The following MAGI1 variants were observed in gnomAD, a reference collection of about 807,000 sequenced individuals.
MAGI1 encodes the protein membrane-associated guanylate kinase, WW and PDZ domain-containing protein 1.
In MAGI1, 58 loss-of-function variants were observed where a neutral mutation model predicts 139.9. The ratio of observed to expected loss-of-function variants is 0.41; its 90% CI spans 0.34 to 0.52. The LOEUF (loss-of-function observed/expected upper bound fraction) is 0.52. MAGI1 is among the 20% of genes least tolerant of loss of function. The pLI is 0.12. For synonymous variants in MAGI1, 812 were observed against 737.9 expected, an observed-to-expected ratio of 1.10 and a Z score of -1.63; for missense variants, 1,874 against 1,901.6, an observed-to-expected ratio of 0.99 and a Z score of 0.27.
chr3:65,427,809 T>A (rs909691888), intron 12 of MAGI1, among the ~76,000 whole-genome samples: 2 of 152,144 alleles, frequency 1.3e-5, no homozygotes, highest in Non-Finnish European at 2.9e-5. Context: ...TATCACTGAT[T>A]CTTCTATAAG....
intron 1 of MAGI1, among the ~76,000 whole-genome samples, chr3:65,683,009 C>G (rs2087704406): frequency 6.6e-6 from 1 of 152,068 alleles, no homozygotes; most frequent in East Asian, 1.9e-4. Context: ...TCCTAGATCC[C>G]CCACATGCAC....
chr3:65,794,082 C>T (rs142792748), intron 1 of MAGI1, among the ~76,000 whole-genome samples: 11 of 152,246 alleles, frequency 7.2e-5, no homozygotes, highest in Non-Finnish European at 1.5e-4. Context: ...CGACCTGGAC[C>T]ACACCCTAAG....
intron 1 of MAGI1, among the ~76,000 whole-genome samples, chr3:65,701,978 CCGA>C (rs1168684713): frequency 6.6e-6 from 1 of 152,086 alleles, no homozygotes; most frequent in Non-Finnish European, 1.5e-5. Flanking sequence ...CATATATTCC[CCGA>C]CGCTTGTTAT....
At chr3:65,929,631 C>A (rs2062698316) in intron 1 of MAGI1, among the ~76,000 whole-genome samples, 1 of 152,064 alleles carries the variant, frequency 6.6e-6, no homozygotes. Context: ...CCGCGCCCAG[C>A]CAAGGAAGAT....
At chr3:65,791,607 A>G (rs2039776832) in intron 1 of MAGI1, among the ~76,000 whole-genome samples, 1 of 152,178 alleles carries the variant, frequency 6.6e-6, no homozygotes, top group African/African-American at 2.4e-5. Context: ...AGGCAGGAAG[A>G]GGTGGAGGAT....
At chr3:65,920,345 A>C (rs932509978) in intron 1 of MAGI1, among the ~76,000 whole-genome samples, 2 of 152,184 alleles carry the variant, frequency 1.3e-5, no homozygotes, top group African/African-American at 4.8e-5. Flanking sequence ...CTCTAAAATT[A>C]TCTTCTTTTT....
rs145814764 is a variant in MAGI1 at position 65,382,996 on chromosome 3, C to T, written c.2508+536G>A. Among the ~76,000 whole-genome samples, 492 of 152,214 alleles carry T rather than the reference C, an allele frequency of 3.2e-3. 6 individuals carry two copies. Among genetic ancestry groups the T allele is most frequent in the Admixed American group, 0.022 (339 of 15,292 alleles). ...TTCAAAGGAACCCTGTTATGTTATTCTAAATTTATTCCAAAATGGAGGACA... is the reference window on the plus strand; with the variant it reads ...TTCAAAGGAACCCTGTTATGTTATTTTAAATTTATTCCAAAATGGAGGACA... On this transcript the variant is annotated intron_variant, in intron 15 of 22. Transcript: ENST00000402939.
intron 14 of MAGI1, among the ~76,000 whole-genome samples, chr3:65,387,608 T>C (rs1466264564): frequency 6.6e-6 from 1 of 152,234 alleles, no homozygotes; most frequent in Non-Finnish European, 1.5e-5. Flanking sequence ...ACTACAGCAT[T>C]TATTCAAAAG....
chr3:65,611,079 G>C lies in MAGI1; in HGVS notation c.430+10893C>G, dbSNP rs1299343508. On this transcript the variant is annotated intron_variant, in intron 2 of 22. Coordinates refer to ENST00000402939, the MANE Select transcript of MAGI1 (RefSeq NM_001033057.2). ...TACATACATATAGTGTATAGTATAT[G>C]TACTATATACATATATAATATATAG... Among the ~76,000 whole-genome samples, 5 of 133,140 alleles carry C rather than the reference G, an allele frequency of 3.8e-5. No homozygotes were observed. In the East Asian group the frequency reaches 1.1e-3, roughly 29 times the overall value. The allele number at this position is 133,140 out of a possible 152,430, so 87.3% of individuals were successfully genotyped here.
At chr3:65,784,383 G>A (rs1236402275) in intron 1 of MAGI1, among the ~76,000 whole-genome samples, 2 of 152,142 alleles carry the variant, frequency 1.3e-5, no homozygotes, top group Non-Finnish European at 2.9e-5. Context: ...GTCAAAAAGT[G>A]GAAACAACCC....
chr3:65,830,799 A>G (rs2042480549), intron 1 of MAGI1, among the ~76,000 whole-genome samples: 1 of 152,148 alleles, frequency 6.6e-6, no homozygotes, highest in Non-Finnish European at 1.5e-5. Context: ...TAAAGAAACA[A>G]TGGGACCTCC....
chr3:65,490,052 T>C (rs1951894412), intron 3 of MAGI1, among the ~76,000 whole-genome samples: 1 of 152,192 alleles, frequency 6.6e-6, no homozygotes. Flanking sequence ...GACATTTTAC[T>C]GGCAAATCTG....
intron 1 of MAGI1, among the ~76,000 whole-genome samples, chr3:65,759,235 T>C (rs2036819176): frequency 6.6e-6 from 1 of 152,174 alleles, no homozygotes; most frequent in African/African-American, 2.4e-5. Flanking sequence ...TAGGACAGTT[T>C]TTAAAATATT....
At chr3:65,759,291 T>C (rs1156468028) in intron 1 of MAGI1, among the ~76,000 whole-genome samples, 2 of 152,152 alleles carry the variant, frequency 1.3e-5, no homozygotes, top group African/African-American at 4.8e-5. Context: ...ATGCCATATA[T>C]TCATGGATGT....
chr3:65,872,534 A>C lies in MAGI1; in HGVS notation c.313+165462T>G, dbSNP rs374790452. ...GTGTGAGATTAAAACAGAAGAGGAT[A>C]CAAATCAGAACCTATTGGCAGTGTC... On this transcript the variant is annotated intron_variant, in intron 1 of 22. Coordinates refer to ENST00000402939, the MANE Select transcript of MAGI1 (RefSeq NM_001033057.2). Among the ~76,000 whole-genome samples, 5 of 152,350 alleles carry C rather than the reference A, an allele frequency of 3.3e-5. No homozygotes were observed. The East Asian group carries it at 5.8e-4, about 18-fold the overall frequency.
intron 2 of MAGI1, among the ~76,000 whole-genome samples, chr3:65,540,922 C>T (rs1050025205): frequency 6.6e-6 from 1 of 152,096 alleles, no homozygotes; most frequent in South Asian, 2.1e-4. Context: ...CAGGGCTCCC[C>T]GTGGTGCAGC....
intron 3 of MAGI1, among the ~76,000 whole-genome samples, chr3:65,491,794 A>C (rs1952055177): frequency 6.6e-6 from 1 of 151,828 alleles, no homozygotes; most frequent in South Asian, 2.1e-4. Context: ...TAGTTTCAGG[A>C]AACTAAGCCA....
At chr3:65,668,351 T>C (rs1189453044) in intron 1 of MAGI1, among the ~76,000 whole-genome samples, 1 of 152,156 alleles carries the variant, frequency 6.6e-6, no homozygotes. Context: ...TCTTCCTACC[T>C]TCGTACTCAG....
intron 1 of MAGI1, among the ~76,000 whole-genome samples, chr3:65,886,035 T>C (rs1168997728): frequency 1.3e-5 from 2 of 152,204 alleles, no homozygotes; most frequent in East Asian, 1.9e-4. Flanking sequence ...TATCTAACTA[T>C]GCAAACAAGT....
Sources: gnomAD v4.1 joint callset for allele counts (sites outside exome capture counted in the v4.1 genomes callset) on GRCh38, gnomAD v4.1.1 for gene constraint, MANE v1.5 for transcripts, NCBI Gene and HGNC (gene_info 2026-07-23, HGNC 2026-07-21) for gene names.